The following CRACD variants were observed in gnomAD, a reference collection of about 807,000 sequenced individuals.
The protein encoded by CRACD is capping protein inhibiting regulator of actin dynamics.
In CRACD, 56 loss-of-function variants were observed where a neutral mutation model predicts 106.8. The observed-to-expected ratio is 0.52, with a 90% CI of 0.42 to 0.66. CRACD has a LOEUF of 0.66. Ranked by LOEUF, CRACD falls within the 30% of genes least tolerant of loss-of-function variation. CRACD has a pLI of 0.00. For missense variants in CRACD, 1,730 were observed against 1,623.2 expected (o/e 1.07, Z -1.13); for synonymous variants, 754 against 670.8 (o/e 1.12, Z -1.92).
At chr4:56,181,165 A>G (rs773949224) in intron 2 of CRACD, among the ~76,000 whole-genome samples, 20 of 152,216 alleles carry the variant, frequency 1.3e-4, no homozygotes, top group Non-Finnish European at 2.2e-4. Flanking sequence ...AACATGGAGA[A>G]AAGAAAAAGT....
At chr4:56,175,414 C>G (rs1311673173) in intron 1 of CRACD, among the ~76,000 whole-genome samples, 2 of 152,042 alleles carry the variant, frequency 1.3e-5, no homozygotes, top group Non-Finnish European at 2.9e-5. Context: ...TTTGCATTTC[C>G]CTAATGATTA....
intron 3 of CRACD, among the ~76,000 whole-genome samples, chr4:56,284,280 C>T (rs1354769134): frequency 4.7e-5 from 4 of 85,434 alleles, no homozygotes; most frequent in Admixed American, 4.3e-4. Context: ...ATAGTAAGAA[C>T]CCATCCTAAA....
Position 56,307,597 on chromosome 4 carries a change from G to A in CRACD, c.183G>A (p.Lys61=). ...QRSPNAIPMN[K]ANSGEASLEE... is the part of the protein sequence containing the mutation. ...CACCCAATGCCATTCCCATGAATAA[G>A]GCAAACAGTGGAGAGGCTAGCTTAG... Residue 61 remains lysine (K), a synonymous_variant, in exon 5 of 11, where the codon AAG becomes AAA. Coordinates refer to ENST00000682029, the MANE Select transcript of CRACD (RefSeq NM_001393381.1). The A allele has an allele frequency of 1.2e-6, 2 of 1,614,184 alleles. No homozygotes were observed. The highest frequency in any genetic ancestry group is 1.7e-6 in the Non-Finnish European group (2 of 1,180,034).
In CRACD at chr4:56,314,210, G is replaced by A; in HGVS notation, c.708G>A (p.Lys236=). 1 of 1,608,124 alleles carries A rather than the reference G, an allele frequency of 6.2e-7. No individual in the cohort carries two copies. Among genetic ancestry groups the A allele is most frequent in the Non-Finnish European group, 8.5e-7 (1 of 1,177,292 alleles). ...DYWRELEAKC[K]RQKAEAAEKR... ...GGCGAGAACTGGAGGCCAAGTGCAA[G>A]CGGCAAAAGGCGGAAGCAGCCGAGA... Residue 236 remains lysine, a synonymous_variant, in exon 8 of 11, where the codon AAG becomes AAA. Coordinates refer to ENST00000682029, the MANE Select transcript of CRACD (RefSeq NM_001393381.1). This position sits in a 1 kb window ranked among gnomAD's most constrained non-coding sequence, Gnocchi z 4.4.
At position 56,315,613 on chromosome 4, in the gene CRACD, A is replaced by T. The variant is rs1745572277; in HGVS notation, c.2111A>T (p.Asp704Val). 1.2e-6 allele frequency: 2 copies of T among 1,614,062 alleles called. No individual in the cohort carries two copies. The highest frequency in any genetic ancestry group is 3.3e-5 in the Admixed American group (2 of 60,006). The change falls in exon 8 of 11, where the codon GAT becomes GTT. Residue 704 changes from aspartate (D) to valine (V), a missense_variant. Physicochemically the swap from Asp to Val is radical, Grantham distance 152. Around this residue, in one of 5 missense-constraint regions of CRACD, gnomAD observed 1,620 missense variants for 1,481.6 expected, o/e 1.09. Transcript: ENST00000682029. This position sits in a 1 kb window ranked among gnomAD's most constrained non-coding sequence, Gnocchi z 4.1. ...GDESTPRGRC[D>V]SRGNQRKTPP... is the part of the protein sequence containing the mutation. ...GAGTCCACTCCCAGGGGCCGGTGTG[A>T]TTCCCGCGGGAACCAACGGAAGACT... is the stretch of plus-strand genomic sequence containing the variant.
At chr4:56,201,690 A>G (rs1253566160) in intron 2 of CRACD, among the ~76,000 whole-genome samples, 1 of 152,184 alleles carries the variant, frequency 6.6e-6, no homozygotes, top group East Asian at 1.9e-4. Context: ...AGTTTTGAAA[A>G]TTGTTTTTCA....
At chr4:56,302,403 A>C (rs555259961) in intron 4 of CRACD, among the ~76,000 whole-genome samples, 5 of 152,234 alleles carry the variant, frequency 3.3e-5, no homozygotes, top group African/African-American at 1.2e-4. Context: ...AATTGTTAGG[A>C]TTATACCACA....
intron 1 of CRACD, among the ~76,000 whole-genome samples, chr4:56,170,542 C>A (rs1265063262): frequency 2.0e-5 from 3 of 152,116 alleles, no homozygotes; most frequent in African/African-American, 7.2e-5. Context: ...CAGACTCAGA[C>A]ATTTATTCTG....
chr4:56,093,770 A>G (rs1005231378), intron 1 of CRACD, among the ~76,000 whole-genome samples: 1 of 152,234 alleles, frequency 6.6e-6, no homozygotes, highest in Non-Finnish European at 1.5e-5. Context: ...TTAGGTAACC[A>G]GAGGCCCTTC....
At chr4:56,299,525 C>G (rs1744243293) in intron 4 of CRACD, among the ~76,000 whole-genome samples, 1 of 152,044 alleles carries the variant, frequency 6.6e-6, no homozygotes. Context: ...CAAAAGTTAG[C>G]CGGGCATGGT....
chr4:56,244,279 C>A (rs1157167254), intron 2 of CRACD, among the ~76,000 whole-genome samples: 1 of 151,838 alleles, frequency 6.6e-6, no homozygotes, highest in Non-Finnish European at 1.5e-5. Flanking sequence ...AATGAGGGGG[C>A]CTGGAAGGGG....
chr4:56,061,275 A>G (rs1047587647), intron 1 of CRACD, among the ~76,000 whole-genome samples: 3 of 152,104 alleles, frequency 2.0e-5, no homozygotes, highest in African/African-American at 7.2e-5. Flanking sequence ...GGCTCAAAGG[A>G]TCCTCCTACC....
intron 1 of CRACD, among the ~76,000 whole-genome samples, chr4:56,072,588 TTTTCTTTCTTTC>T (rs749010900): frequency 1.3e-5 from 2 of 150,910 alleles, no homozygotes; most frequent in African/African-American, 4.9e-5. Context: ...TTCTAGACCA[TTTTCTTTCTTTC>T]TTTCTTTCTT....
chr4:56,124,952 G>C (rs1560458263), intron 1 of CRACD, among the ~76,000 whole-genome samples: 1 of 152,148 alleles, frequency 6.6e-6, no homozygotes, highest in Non-Finnish European at 1.5e-5. Flanking sequence ...CTGTGATGCT[G>C]AGTGTATATT....
intron 1 of CRACD, among the ~76,000 whole-genome samples, chr4:56,162,152 G>A (rs985853084): frequency 2.0e-5 from 3 of 151,760 alleles, no homozygotes; most frequent in African/African-American, 7.3e-5. Flanking sequence ...ATCAGAGATG[G>A]GTAGATTTTT....
chr4:56,096,006 T>C (rs1733589293), intron 1 of CRACD, among the ~76,000 whole-genome samples: 1 of 152,202 alleles, frequency 6.6e-6, no homozygotes, highest in Non-Finnish European at 1.5e-5. Flanking sequence ...CAGAGTTTTC[T>C]GTCTGAGCTA....
chr4:56,294,780 G>C (rs1010526704), intron 3 of CRACD, among the ~76,000 whole-genome samples: 3 of 151,808 alleles, frequency 2.0e-5, no homozygotes, highest in East Asian at 1.9e-4. Flanking sequence ...CAGGCGTGGT[G>C]GTGGGCACCT....
At chr4:56,327,541 G>A in intron 10 of CRACD, 103 bp from the exon 11 acceptor site, 1 of 1,013,032 alleles carries the variant, frequency 9.9e-7, no homozygotes, top group African/African-American at 1.6e-5. Context: ...GACAAATACA[G>A]TTTGTCATGA....
At position 56,324,301 on chromosome 4, in the gene CRACD, TC is replaced by T. The variant is rs1746294993; in HGVS notation, c.3541+37del. On this transcript the variant is annotated intron_variant, in intron 10 of 10. Coordinates refer to ENST00000682029, the MANE Select transcript of CRACD (RefSeq NM_001393381.1). ...AGGTCCATTGCTTTGTAACTGTAGT[TC>T]CAGGTTTCTCTTTGTAGAGCGTGCT... 3.1e-6 allele frequency: 5 copies of T among 1,588,378 alleles called. No individual in the cohort carries two copies. The African/African-American group carries it at 5.4e-5, about 17-fold the overall frequency.
Sources: gnomAD v4.1 joint callset for allele counts (sites outside exome capture counted in the v4.1 genomes callset) on GRCh38, gnomAD v4.1.1 for gene constraint, gnomAD v4.1.1 regional missense constraint, Gnocchi (gnomAD v3.1) non-coding constraint, MANE v1.5 for transcripts, NCBI Gene and HGNC (gene_info 2026-07-23, HGNC 2026-07-21) for gene names.